Variants in LRRC4C observed in about 807,000 individuals in gnomAD.
LRRC4C encodes leucine rich repeat containing 4C.
A neutral mutation model predicts 33.6 loss-of-function variants in LRRC4C; 5 were observed. The ratio of observed to expected loss-of-function variants is 0.15; its 90% CI spans 0.08 to 0.31. The LOEUF (loss-of-function observed/expected upper bound fraction) is 0.31, where lower values mean the gene tolerates loss of function less well. Among genes scored for constraint, LRRC4C ranks in the 10% least tolerant of loss-of-function variants. The pLI is 1.00. For missense variants in LRRC4C, 560 were observed against 796.7 expected, an observed-to-expected ratio of 0.70 and a Z score of 3.58; for synonymous variants, 329 against 302.0, an observed-to-expected ratio of 1.09 and a Z score of -0.93.
intron 1 of LRRC4C, among the ~76,000 whole-genome samples, chr11:41,074,186 T>A (rs939773466): frequency 2.0e-5 from 3 of 152,170 alleles, no homozygotes; most frequent in African/African-American, 7.2e-5. Flanking sequence ...CTCCACAAGA[T>A]GAAAAACTTA....
chr11:40,771,297 C>T (rs1033365146), intron 2 of LRRC4C, among the ~76,000 whole-genome samples: 4 of 152,184 alleles, frequency 2.6e-5, no homozygotes, highest in Non-Finnish European at 5.9e-5. Flanking sequence ...CCAAGCTGTA[C>T]TTTGGCCCAT....
chr11:41,051,456 A>G (rs1858198150), intron 1 of LRRC4C, among the ~76,000 whole-genome samples: 1 of 146,810 alleles, frequency 6.8e-6, no homozygotes, highest in African/African-American at 2.5e-5. Flanking sequence ...AACTACTTCC[A>G]TAATGAAGAA....
At chr11:41,003,156 A>T (rs2137412085) in intron 1 of LRRC4C, among the ~76,000 whole-genome samples, 1 of 151,840 alleles carries the variant, frequency 6.6e-6, no homozygotes, top group East Asian at 1.9e-4. Flanking sequence ...AAATAAAAGC[A>T]CCATTATACA....
chr11:40,885,769 A>G (rs1955425861), intron 2 of LRRC4C, among the ~76,000 whole-genome samples: 1 of 152,250 alleles, frequency 6.6e-6, no homozygotes, highest in Admixed American at 6.5e-5. Context: ...TTATCATTCA[A>G]CAACATATCC....
At chr11:40,533,926 A>G (rs544344626) in intron 3 of LRRC4C, among the ~76,000 whole-genome samples, 1 of 152,266 alleles carries the variant, frequency 6.6e-6, no homozygotes, top group African/African-American at 2.4e-5. Context: ...AAAGTTTATT[A>G]TGAGCATCAA....
chr11:40,193,180 C>T (rs574026284), intron 5 of LRRC4C, among the ~76,000 whole-genome samples: 33 of 152,092 alleles, frequency 2.2e-4, no homozygotes, highest in East Asian at 5.8e-4. Flanking sequence ...CAGCAGGGGT[C>T]GATAGACACC....
At chr11:40,429,568 T>TAAA (rs59538764) in intron 3 of LRRC4C, among the ~76,000 whole-genome samples, 84 of 147,766 alleles carry the variant, frequency 5.7e-4, no homozygotes, top group African/African-American at 1.8e-3. Context: ...GCAATAATAA[T>TAAA]AAAAAAAAAA....
chr11:40,657,296 T>A (rs972679953), intron 2 of LRRC4C, among the ~76,000 whole-genome samples: 18 of 152,178 alleles, frequency 1.2e-4, no homozygotes, highest in Non-Finnish European at 2.2e-4. Flanking sequence ...GTCTAATGAT[T>A]GGTCTAAGCT....
At chr11:40,905,000 G>A (rs528763052) in intron 2 of LRRC4C, among the ~76,000 whole-genome samples, 5 of 152,016 alleles carry the variant, frequency 3.3e-5, no homozygotes, top group Admixed American at 6.6e-5. Flanking sequence ...TTGTGCGCAC[G>A]TGCACACGCC....
intron 3 of LRRC4C, among the ~76,000 whole-genome samples, chr11:40,630,035 A>G (rs1193938679): frequency 6.6e-6 from 1 of 152,008 alleles, no homozygotes; most frequent in Non-Finnish European, 1.5e-5. Flanking sequence ...TAATCTCTAA[A>G]ATAAATAATC....
intron 3 of LRRC4C, among the ~76,000 whole-genome samples, chr11:40,609,413 T>C (rs1395171061): frequency 1.3e-5 from 2 of 151,794 alleles, no homozygotes; most frequent in South Asian, 2.1e-4. Flanking sequence ...ACCAAAACAG[T>C]ACCTAAAGGG....
At chr11:40,577,426 C>A (rs894947875) in intron 3 of LRRC4C, among the ~76,000 whole-genome samples, 8 of 152,060 alleles carry the variant, frequency 5.3e-5, no homozygotes. Flanking sequence ...TAGTAATATG[C>A]CAGGATAACA....
rs913293469 is a variant in LRRC4C at position 40,710,247 on chromosome 11, G to A, written c.-406-61969C>T. Among the ~76,000 whole-genome samples, 32 of 152,212 alleles carry A rather than the reference G, an allele frequency of 2.1e-4. 1 individual carries two copies. The highest frequency in any genetic ancestry group is 5.8e-4 in the African/African-American group (24 of 41,548). ...TTGTTCCGTTGTTGGCGAGGAGCTC[G>A]GATCCTTTGGAGGAGATGGGACTCT... On this transcript the variant is annotated intron_variant, in intron 2 of 6. Transcript: ENST00000528697.
intron 3 of LRRC4C, among the ~76,000 whole-genome samples, chr11:40,534,172 A>G (rs1045655922): frequency 3.9e-5 from 6 of 152,118 alleles, no homozygotes; most frequent in Non-Finnish European, 8.8e-5. Flanking sequence ...TGGTTGGGAC[A>G]ATGAGGTTGG....
In LRRC4C at chr11:40,672,667, C is replaced by A. The variant is rs182286431; in HGVS notation, c.-406-24389G>T. Among the ~76,000 whole-genome samples the A allele has an allele frequency of 2.6e-5, 4 of 152,174 alleles. No individual in the cohort carries two copies. The East Asian group carries it at 7.7e-4, about 29-fold the overall frequency. Reference sequence around the variant, plus strand: ...AGATACACGAACTTCCTTCGATATGCCTTAGCCAGTAATCTCTCATCTTAT... The same window carrying A: ...AGATACACGAACTTCCTTCGATATGACTTAGCCAGTAATCTCTCATCTTAT... On this transcript the variant is annotated intron_variant, in intron 2 of 6. Coordinates refer to ENST00000528697, the MANE Select transcript of LRRC4C (RefSeq NM_001258419.2).
chr11:41,249,478 A>G (rs1328789547), intron 1 of LRRC4C, among the ~76,000 whole-genome samples: 1 of 152,114 alleles, frequency 6.6e-6, no homozygotes, highest in Admixed American at 6.5e-5. Context: ...TTCGAAACTC[A>G]CCTGTGCCCT....
chr11:40,735,780 G>A (rs541122948), intron 2 of LRRC4C, among the ~76,000 whole-genome samples: 74 of 150,328 alleles, frequency 4.9e-4, no homozygotes, highest in Non-Finnish European at 1.0e-4. Context: ...CACCAACAGC[G>A]TAAAAGTGTT....
intron 3 of LRRC4C, among the ~76,000 whole-genome samples, chr11:40,620,233 T>C (rs930225806): frequency 6.6e-6 from 1 of 151,646 alleles, no homozygotes; most frequent in African/African-American, 2.4e-5. Flanking sequence ...TTCCATCCCA[T>C]TATATGTTTA....
At chr11:40,134,412 T>G (rs1365222398) in intron 6 of LRRC4C, among the ~76,000 whole-genome samples, 2 of 152,144 alleles carry the variant, frequency 1.3e-5, no homozygotes, top group East Asian at 3.9e-4. Context: ...ATGGATAGAT[T>G]GTAGGGACTT....
Sources: allele counts gnomAD v4.1 joint callset (sites outside exome capture counted in the v4.1 genomes callset), GRCh38; gene constraint gnomAD v4.1.1; transcripts MANE v1.5; gene names NCBI Gene and HGNC (gene_info 2026-07-23, HGNC 2026-07-21).